The following DVL3 variants were observed in gnomAD, a reference collection of about 807,000 sequenced individuals.
The protein encoded by DVL3 is dishevelled segment polarity protein 3, also known as segment polarity protein dishevelled homolog DVL-3.
Under a neutral mutation model 67.4 loss-of-function variants are expected in DVL3, and 27 were observed. The observed-to-expected ratio is 0.40, with a 90% CI of 0.30 to 0.55. The LOEUF is 0.55. Among genes scored for constraint, DVL3 ranks in the 20% least tolerant of loss-of-function variants. The pLI is 0.46. For synonymous variants in DVL3, 369 were observed against 396.8 expected, an observed-to-expected ratio of 0.93 and a Z score of 0.83; for missense variants, 819 against 1,021.5, an observed-to-expected ratio of 0.80 and a Z score of 2.70.
In DVL3 at chr3:184,166,673, A is replaced by T; in HGVS notation, c.1048A>T (p.Ser350Cys). 1 of 1,614,004 alleles carries T rather than the reference A, an allele frequency of 6.2e-7. No individual in the cohort carries two copies. The highest frequency in any genetic ancestry group is 8.5e-7 in the Non-Finnish European group (1 of 1,179,954). ...SPRGCFTLPR[S>C]EPIRPIDPAA... ...ACGTGGTTGCTTCACATTGCCCAGGAGTAAGTGGATGGGAGACTCAGTCCT... is the reference window on the plus strand; with the variant it reads ...ACGTGGTTGCTTCACATTGCCCAGGTGTAAGTGGATGGGAGACTCAGTCCT... Residue 350 changes from serine (S) to cysteine (C), a missense_variant and splice_region_variant, in exon 10 of 15, where the codon AGC becomes TGC. Transcript: ENST00000313143. The surrounding 1 kb of genome is among the most constrained non-coding windows in gnomAD (Gnocchi z 6.7).
Position 184,164,673 on chromosome 3 carries a change from T to C in DVL3, c.463+72T>C. 1.3e-6 allele frequency: 2 copies of C among 1,560,584 alleles called. No individual in the cohort carries two copies. The highest frequency in any genetic ancestry group is 1.7e-6 in the Non-Finnish European group (2 of 1,149,276). ...CTCACTTTCCACCCAGCTACCCACCTTCTTGCCCTACTTCCCGAGCTCAGG... is the reference window on the plus strand; with the variant it reads ...CTCACTTTCCACCCAGCTACCCACCCTCTTGCCCTACTTCCCGAGCTCAGG... On this transcript the variant is annotated intron_variant, in intron 4 of 14. Transcript: ENST00000313143. This position sits in a 1 kb window ranked among gnomAD's most constrained non-coding sequence, Gnocchi z 5.3.
In DVL3 at chr3:184,164,046, C is replaced by T. The variant is rs1560117561; in HGVS notation, c.232-221C>T. Among the ~76,000 whole-genome samples the T allele has an allele frequency of 6.6e-6, 1 of 152,138 alleles. No homozygotes were observed. Among genetic ancestry groups the T allele is most frequent in the East Asian group, 1.9e-4 (1 of 5,166 alleles). Reference sequence around the variant, plus strand: ...ACCTCTGAGCCTTGTTCTTTGTCCCCATTCCACTTCACCACCCCATGCCTT... The same window carrying T: ...ACCTCTGAGCCTTGTTCTTTGTCCCTATTCCACTTCACCACCCCATGCCTT... On this transcript the variant is annotated intron_variant, in intron 2 of 14. Transcript: ENST00000313143. The surrounding 1 kb of genome is among the most constrained non-coding windows in gnomAD (Gnocchi z 5.3).
chr3:184,166,720 G>A lies in DVL3; in HGVS notation c.1048+47G>A, dbSNP rs1714602883. On this transcript the variant is annotated intron_variant, in intron 10 of 14. Transcript: ENST00000313143. This position sits in a 1 kb window ranked among gnomAD's most constrained non-coding sequence, Gnocchi z 6.7. ...TCCTAAAGCTGGTGCTTACATACAT[G>A]AGCACTGTCTCTCCTTTCTTCTCTC... 3.1e-6 allele frequency: 5 copies of A among 1,611,492 alleles called. No individual in the cohort carries two copies. The highest frequency in any genetic ancestry group is 2.2e-5 in the South Asian group (2 of 90,846).
rs1714635023 is a variant in DVL3 at position 184,167,395 on chromosome 3, A to G, written c.1199-185A>G. 6.6e-6 allele frequency among the ~76,000 whole-genome samples: 1 copy of G among 152,214 alleles called. No individual in the cohort carries two copies. Among genetic ancestry groups the G allele is most frequent in the Non-Finnish European group, 1.5e-5 (1 of 68,036 alleles). On this transcript the variant is annotated intron_variant, in intron 11 of 14. Coordinates refer to ENST00000313143, the MANE Select transcript of DVL3 (RefSeq NM_004423.4). The surrounding 1 kb of genome is among the most constrained non-coding windows in gnomAD (Gnocchi z 4.6). ...TTACATTATTTAATCCTTTATTCAA[A>G]TAGCCTTGTAAAGTAGATATTAAAA...
rs1714639146 is a variant in DVL3, at chr3:184,167,501, G to A, written c.1199-79G>A. 3 of 1,372,622 alleles carry A rather than the reference G, an allele frequency of 2.2e-6. No homozygotes were observed. The highest frequency in any genetic ancestry group is 1.8e-5 in the Admixed American group (1 of 55,164). The allele number at this position is 1,372,622 out of a possible 1,614,324, so 85.0% of individuals were successfully genotyped here. A position where few individuals can be genotyped will look rare whatever the true frequency, so the allele number is the denominator to read the frequency against. ...AGCATTGATCCCATAATTACTAGAT[G>A]GTAGAGCTAGAATGCAAACTCTTGT... On this transcript the variant is annotated intron_variant, in intron 11 of 14. Coordinates refer to ENST00000313143, the MANE Select transcript of DVL3 (RefSeq NM_004423.4). This position sits in a 1 kb window ranked among gnomAD's most constrained non-coding sequence, Gnocchi z 4.6.
Position 184,165,015 on chromosome 3 carries a change from C to G in DVL3, c.599+84C>G. ...CTGAGGATGCGGGGCCCCTGGGAGG[C>G]TTATGGGCTTTGTGTTGGGGACCCA... On this transcript the variant is annotated intron_variant, in intron 5 of 14. Transcript: ENST00000313143. The surrounding 1 kb of genome is among the most constrained non-coding windows in gnomAD (Gnocchi z 4.1). 1 of 1,608,580 alleles carries G rather than the reference C, an allele frequency of 6.2e-7. No homozygotes were observed. The highest frequency in any genetic ancestry group is 8.5e-7 in the Non-Finnish European group (1 of 1,176,832).
At chr3:184,169,540 CA>C (rs879655215) in intron 13 of DVL3, among the ~76,000 whole-genome samples, 121 of 146,412 alleles carry the variant, frequency 8.3e-4, no homozygotes, top group Admixed American at 5.5e-3. Flanking sequence ...ACTAAACATA[CA>C]AAAAAAAAAA....
rs1018035972 is a variant in DVL3, at chr3:184,167,403, G to A, written c.1199-177G>A. Among the ~76,000 whole-genome samples the A allele has an allele frequency of 8.5e-5, 13 of 152,118 alleles. No individual in the cohort carries two copies. The highest frequency in any genetic ancestry group is 2.7e-4 in the African/African-American group (11 of 41,410). ...TTTAATCCTTTATTCAAATAGCCTT[G>A]TAAAGTAGATATTAAAATCCCCATT... is the stretch of plus-strand genomic sequence containing the variant. On this transcript the variant is annotated intron_variant, in intron 11 of 14. Coordinates refer to ENST00000313143, the MANE Select transcript of DVL3 (RefSeq NM_004423.4). The surrounding 1 kb of genome is among the most constrained non-coding windows in gnomAD (Gnocchi z 4.6).
At position 184,165,575 on chromosome 3, in the gene DVL3, T is replaced by C; in HGVS notation, c.763+84T>C. 8.3e-7 allele frequency: 1 copy of C among 1,209,504 alleles called. No homozygotes were observed. The highest frequency in any genetic ancestry group is 1.8e-5 in the Admixed American group (1 of 56,468). The allele number at this position is 1,209,504 out of a possible 1,614,324, so 74.9% of individuals were successfully genotyped here. A position where few individuals can be genotyped will look rare whatever the true frequency, so the allele number is the denominator to read the frequency against. ...TTGAGTTCAGAGAGCGTAGAATATG[T>C]TCCCTGCCCTCAAGGAGCTCTCTTT... is the stretch of plus-strand genomic sequence containing the variant. On this transcript the variant is annotated intron_variant, in intron 7 of 14. Coordinates refer to ENST00000313143, the MANE Select transcript of DVL3 (RefSeq NM_004423.4). The surrounding 1 kb of genome is among the most constrained non-coding windows in gnomAD (Gnocchi z 4.1).
rs1380816218 is a variant in DVL3 at position 184,172,880 on chromosome 3, G to GT, written c.*2128dup. ...GGCTTCTAGCCACCACTACAGGGCT[G>GT]TTTCATGTACTTCTCTCTCTGACTC... On this transcript the variant is annotated 3_prime_UTR_variant, in exon 15 of 15. Coordinates refer to ENST00000313143, the MANE Select transcript of DVL3 (RefSeq NM_004423.4). The GT allele has an allele frequency of 6.6e-6, 1 of 152,260 alleles. No individual in the cohort carries two copies. Among genetic ancestry groups the GT allele is most frequent in the Non-Finnish European group, 1.5e-5 (1 of 68,056 alleles). The allele number at this position is 152,260 out of a possible 1,614,324, so 9.4% of individuals were successfully genotyped here.
Position 184,166,767 on chromosome 3 carries a change from C to T in DVL3, c.1049-59C>T. ...TCTCACCCAGAACCCCCATATCTAT[C>T]CTGTTGGGCCCAGCAGTGGGTGGGG... On this transcript the variant is annotated intron_variant, in intron 10 of 14. Coordinates refer to ENST00000313143, the MANE Select transcript of DVL3 (RefSeq NM_004423.4). This position sits in a 1 kb window ranked among gnomAD's most constrained non-coding sequence, Gnocchi z 6.7. 1 of 1,613,384 alleles carries T rather than the reference C, an allele frequency of 6.2e-7. No homozygotes were observed. The highest frequency in any genetic ancestry group is 8.5e-7 in the Non-Finnish European group (1 of 1,179,488).
rs1714833085 is a variant in DVL3, at chr3:184,171,410, GGAGCATCTC to G, written c.*656_*664del. ...TGCCTGAGCAGCTGGTGGCTTCCAG[GGAGCATCTC>G]TGCTCTACCCCTGCCCCATGCCTGC... On this transcript the variant is annotated 3_prime_UTR_variant, in exon 15 of 15. Transcript: ENST00000313143. The G allele has an allele frequency of 4.0e-6, 4 of 996,082 alleles. No homozygotes were observed. Among genetic ancestry groups the G allele is most frequent in the Admixed American group, 6.0e-5 (1 of 16,538 alleles). 61.7% of individuals were successfully genotyped at this position (996,082 alleles called of 1,614,324 possible).
In DVL3 at chr3:184,166,232, T is replaced by A. The variant is rs758598662; in HGVS notation, c.870T>A (p.Asp290Glu). Residue 290 changes from aspartate to glutamate, a missense_variant, in exon 8 of 15, where the codon GAT (aspartate) becomes GAA (glutamate). By Grantham distance (45) the Asp-to-Glu change is conservative (BLOSUM62 2). Coordinates refer to ENST00000313143, the MANE Select transcript of DVL3 (RefSeq NM_004423.4). This position sits in a 1 kb window ranked among gnomAD's most constrained non-coding sequence, Gnocchi z 6.7. ...SIMKGGAVAA[D>E]GRIEPGDMLL... ...TGAAGGGTGGGGCCGTGGCTGCTGA[T>A]GGACGCATCGAGCCAGGAGATATGT... The A allele has an allele frequency of 1.9e-6, 3 of 1,613,068 alleles. No homozygotes were observed. The Admixed American group carries it at 5.0e-5, about 27-fold the overall frequency.
At chr3:184,159,875 C>A (rs1714320851) in intron 1 of DVL3, among the ~76,000 whole-genome samples, 1 of 152,068 alleles carries the variant, frequency 6.6e-6, no homozygotes, top group South Asian at 2.1e-4. Flanking sequence ...GACCTGAAAC[C>A]CACTGGGCCC....
At position 184,167,378 on chromosome 3, in the gene DVL3, T is replaced by G. The variant is rs999428012; in HGVS notation, c.1199-202T>G. 3.9e-5 allele frequency among the ~76,000 whole-genome samples: 6 copies of G among 152,216 alleles called. No individual in the cohort carries two copies. The highest frequency in any genetic ancestry group is 1.4e-4 in the African/African-American group (6 of 41,454). On this transcript the variant is annotated intron_variant, in intron 11 of 14. Coordinates refer to ENST00000313143, the MANE Select transcript of DVL3 (RefSeq NM_004423.4). This position sits in a 1 kb window ranked among gnomAD's most constrained non-coding sequence, Gnocchi z 4.6. ...TGGCCAAGCACCTGCATTTACATTA[T>G]TTAATCCTTTATTCAAATAGCCTTG...
rs1714906140 is a variant in DVL3 at position 184,173,152 on chromosome 3, A to T, written c.*2397A>T. On this transcript the variant is annotated 3_prime_UTR_variant, in exon 15 of 15. Coordinates refer to ENST00000313143, the MANE Select transcript of DVL3 (RefSeq NM_004423.4). Reference sequence around the variant, plus strand: ...TTACCTACTGGACATCTCTATGGACAGTTCCGTATAGACTCAACTCATCTG... The same window carrying T: ...TTACCTACTGGACATCTCTATGGACTGTTCCGTATAGACTCAACTCATCTG... 1.3e-5 allele frequency: 2 copies of T among 152,282 alleles called. No homozygotes were observed. Among genetic ancestry groups the T allele is most frequent in the Non-Finnish European group, 2.9e-5 (2 of 68,072 alleles). 9.4% of individuals were successfully genotyped at this position (152,282 alleles called of 1,614,324 possible). A position where few individuals can be genotyped will look rare whatever the true frequency, so the allele number is the denominator to read the frequency against.
In DVL3 at chr3:184,166,277, C is replaced by T. The variant is rs770286093; in HGVS notation, c.903+12C>T. ...ATATGTTGTTACAGGTATCAGTGCC[C>T]ATCCTAGGCGGTGGTGTGGATAGAG... On this transcript the variant is annotated intron_variant, in intron 8 of 14. Transcript: ENST00000313143. This position sits in a 1 kb window ranked among gnomAD's most constrained non-coding sequence, Gnocchi z 6.7. 53 of 1,611,296 alleles carry T rather than the reference C, an allele frequency of 3.3e-5. 1 individual carries two copies. In the South Asian group the frequency reaches 5.4e-4, roughly 16 times the overall value.
Position 184,164,157 on chromosome 3 carries a change from G to T in DVL3, c.232-110G>T. On this transcript the variant is annotated intron_variant, in intron 2 of 14. Coordinates refer to ENST00000313143, the MANE Select transcript of DVL3 (RefSeq NM_004423.4). The surrounding 1 kb of genome is among the most constrained non-coding windows in gnomAD (Gnocchi z 5.3). ...CGCACAGCCCTGTCTTTTCTCCCTC[G>T]ATATTTCCTGCTTCCTTCCTCTTAG... The T allele has an allele frequency of 7.5e-7, 1 of 1,337,432 alleles. No individual in the cohort carries two copies. Among genetic ancestry groups the T allele is most frequent in the Non-Finnish European group, 1.0e-6 (1 of 961,980 alleles). 82.8% of individuals were successfully genotyped at this position (1,337,432 alleles called of 1,614,324 possible).
chr3:184,168,497 G>C (rs368328815), intron 13 of DVL3, among the ~76,000 whole-genome samples: 6 of 152,206 alleles, frequency 3.9e-5, no homozygotes, highest in African/African-American at 1.4e-4. Context: ...AAACAGCCTG[G>C]AGGCTCACGT....
Sources: allele counts gnomAD v4.1 joint callset (sites outside exome capture counted in the v4.1 genomes callset), GRCh38; gene constraint gnomAD v4.1.1; non-coding constraint Gnocchi (gnomAD v3.1); transcripts MANE v1.5; gene names NCBI Gene and HGNC (gene_info 2026-07-23, HGNC 2026-07-21).